NSMCE1: variants seen among roughly 807,000 people sequenced by gnomAD.
The protein encoded by NSMCE1 is non-structural maintenance of chromosomes element 1 homolog.
In NSMCE1, 18 loss-of-function variants were observed where a neutral mutation model predicts 29.6. That is an observed-to-expected ratio of 0.61 (90% confidence interval 0.42 to 0.90). NSMCE1 has a LOEUF of 0.90. Among genes scored for constraint, NSMCE1 ranks in the 40% least tolerant of loss-of-function variants. NSMCE1 has a pLI of 0.00. For missense variants in NSMCE1, 314 were observed against 343.6 expected (o/e 0.91, Z 0.68); for synonymous variants, 124 against 133.4 (o/e 0.93, Z 0.49).
At chr16:27,263,997 C>G (rs1232344459) in intron 1 of NSMCE1, among the ~76,000 whole-genome samples, 1 of 152,146 alleles carries the variant, frequency 6.6e-6, no homozygotes, top group African/African-American at 2.4e-5. Context: ...ACATAGAAAA[C>G]ACAAAGGCAA....
Position 27,226,751 on chromosome 16 carries a change from A to C in NSMCE1, c.569T>G (p.Ile190Ser), listed in dbSNP as rs759585841. ...IRETYPDAVK[I>S]CNICHSLLIQ... ...GAGGAGGCTGTGACAGATATTGCAG[A>C]TCTTCACCGCGTCGGGGTACGTCTC... Residue 190 changes from isoleucine (I) to serine (S), a missense_variant, in exon 6 of 8, where the codon ATC (isoleucine) becomes AGC (serine). By Grantham distance (142) the Ile-to-Ser change is moderately radical. Coordinates refer to ENST00000361439, the MANE Select transcript of NSMCE1 (RefSeq NM_145080.4). 1 of 1,613,646 alleles carries C rather than the reference A, an allele frequency of 6.2e-7. No individual in the cohort carries two copies.
chr16:27,264,041 CAGA>C (rs1353051373), intron 1 of NSMCE1, among the ~76,000 whole-genome samples: 1 of 152,102 alleles, frequency 6.6e-6, no homozygotes, highest in Non-Finnish European at 1.5e-5. Flanking sequence ...AAAATAAAGG[CAGA>C]AGGACTTGTC....
intron 5 of NSMCE1, among the ~76,000 whole-genome samples, chr16:27,231,834 C>T (rs904932318): frequency 2.0e-5 from 3 of 152,114 alleles, no homozygotes; most frequent in African/African-American, 4.8e-5. Context: ...TCAGGGTGTC[C>T]GACGTCATCC....
chr16:27,231,381 C>T (rs1387538335), intron 5 of NSMCE1, among the ~76,000 whole-genome samples: 1 of 152,190 alleles, frequency 6.6e-6, no homozygotes, highest in Non-Finnish European at 1.5e-5. Flanking sequence ...TCACGCCTGT[C>T]ATCCCAGCAC....
At chr16:27,250,653 C>T (rs12919473) in intron 2 of NSMCE1, among the ~76,000 whole-genome samples, 2 of 151,234 alleles carry the variant, frequency 1.3e-5, no homozygotes, top group South Asian at 2.1e-4. Flanking sequence ...ATTCGTCGGG[C>T]GTGGTGGCAC....
intron 1 of NSMCE1, among the ~76,000 whole-genome samples, chr16:27,265,237 A>C (rs2084210524): frequency 7.2e-6 from 1 of 137,972 alleles, no homozygotes; most frequent in Admixed American, 8.2e-5. Flanking sequence ...ACACAGTCAT[A>C]GCTCACTGCA....
chr16:27,255,591 T>TC (rs1166204767), intron 2 of NSMCE1, among the ~76,000 whole-genome samples: 3 of 152,150 alleles, frequency 2.0e-5, no homozygotes, highest in Admixed American at 2.0e-4. Context: ...CTCCCAGAAT[T>TC]CCCCATGGAA....
chr16:27,227,872 G>A (rs1318899231), intron 5 of NSMCE1, among the ~76,000 whole-genome samples: 2 of 146,658 alleles, frequency 1.4e-5, no homozygotes, highest in East Asian at 2.0e-4. Context: ...TGCAACTTCC[G>A]CATCCCGGGT....
chr16:27,245,530 A>G (rs916333190), intron 2 of NSMCE1, among the ~76,000 whole-genome samples: 1 of 152,226 alleles, frequency 6.6e-6, no homozygotes, highest in African/African-American at 2.4e-5. Context: ...CTGGACTCCC[A>G]GGCTGCAGAC....
chr16:27,244,933 A>G (rs902739502), intron 2 of NSMCE1, among the ~76,000 whole-genome samples: 3 of 152,236 alleles, frequency 2.0e-5, no homozygotes, highest in African/African-American at 4.8e-5. Context: ...ATGCTTTGTG[A>G]ATTTTCTAGG....
chr16:27,254,929 G>A (rs1474493964), intron 2 of NSMCE1, among the ~76,000 whole-genome samples: 1 of 136,464 alleles, frequency 7.3e-6, no homozygotes, highest in African/African-American at 2.8e-5. Flanking sequence ...GCCCAAGCTG[G>A]AGTGCAGGGG....
intron 2 of NSMCE1, among the ~76,000 whole-genome samples, chr16:27,239,256 G>A (rs983303603): frequency 2.0e-5 from 3 of 152,164 alleles, no homozygotes; most frequent in Admixed American, 1.3e-4. Flanking sequence ...CGCTAAGGTT[G>A]CACCAGATCG....
At chr16:27,258,905 C>T (rs565720540) in intron 1 of NSMCE1, among the ~76,000 whole-genome samples, 4 of 152,132 alleles carry the variant, frequency 2.6e-5, no homozygotes, top group South Asian at 2.1e-4. Flanking sequence ...CGCCCACCAC[C>T]GTGCCTGACT....
intron 2 of NSMCE1, among the ~76,000 whole-genome samples, chr16:27,253,642 A>G (rs1423843573): frequency 6.6e-6 from 1 of 152,178 alleles, no homozygotes; most frequent in African/African-American, 2.4e-5. Flanking sequence ...AAGGAGGCCT[A>G]TATTGGAATC....
At chr16:27,242,224 T>C (rs569606100) in intron 2 of NSMCE1, among the ~76,000 whole-genome samples, 2 of 152,214 alleles carry the variant, frequency 1.3e-5, no homozygotes, top group Admixed American at 6.5e-5. Context: ...TTGACCCTCA[T>C]GAATCTCAAT....
chr16:27,246,030 C>A (rs1461861391), intron 2 of NSMCE1, among the ~76,000 whole-genome samples: 1 of 152,174 alleles, frequency 6.6e-6, no homozygotes, highest in African/African-American at 2.4e-5. Flanking sequence ...TGATGATGTA[C>A]AGGAGTCCAG....
intron 2 of NSMCE1, among the ~76,000 whole-genome samples, chr16:27,235,918 C>A (rs944208868): frequency 6.6e-6 from 1 of 152,192 alleles, no homozygotes; most frequent in African/African-American, 2.4e-5. Context: ...TCCTGGGCAC[C>A]TTTTGTCGTC....
At chr16:27,259,678 G>A (rs1299713353) in intron 1 of NSMCE1, among the ~76,000 whole-genome samples, 1 of 152,076 alleles carries the variant, frequency 6.6e-6, no homozygotes, top group South Asian at 2.1e-4. Flanking sequence ...CAAATGATAC[G>A]AATCACTGTC....
intron 2 of NSMCE1, among the ~76,000 whole-genome samples, chr16:27,247,280 C>G (rs1375111009): frequency 1.3e-5 from 2 of 152,146 alleles, no homozygotes; most frequent in African/African-American, 2.4e-5. Flanking sequence ...AGAGATCTGA[C>G]AGTTTTATAA....
Sources: gnomAD v4.1 joint callset for allele counts (sites outside exome capture counted in the v4.1 genomes callset) on GRCh38, gnomAD v4.1.1 for gene constraint, MANE v1.5 for transcripts, NCBI Gene and HGNC (gene_info 2026-07-23, HGNC 2026-07-21) for gene names.